HDGFL2: variants seen among roughly 807,000 people sequenced by gnomAD.
The protein encoded by HDGFL2 is hepatoma-derived growth factor-related protein 2.
Under a neutral mutation model 77.1 loss-of-function variants are expected in HDGFL2, and 36 were observed. The observed-to-expected ratio is 0.47, with a 90% confidence interval of 0.36 to 0.62. The LOEUF (loss-of-function observed/expected upper bound fraction) is 0.62. Ranked by LOEUF, HDGFL2 falls within the 20% of genes least tolerant of loss-of-function variation. The pLI is 0.00. For synonymous variants in HDGFL2, 463 were observed against 413.1 expected, an observed-to-expected ratio of 1.12 and a Z score of -1.46; for missense variants, 976 against 973.4, an observed-to-expected ratio of 1.00 and a Z score of -0.04.
Position 4,501,981 on chromosome 19 carries a change from G to A in HDGFL2, c.1987G>A (p.Asp663Asn), listed in dbSNP as rs889456040. ...GCAGGAGCGCGAGAGGGCACGGGGG[G>A]ACTCGGAGGCCCTGGACGAGGAGAG... ...DRQERERARG[D>N]SEALDEES Residue 663 changes from aspartate (D) to asparagine (N), a missense_variant, in exon 16 of 16, where the codon GAC becomes AAC. Physicochemically the swap from Asp to Asn is conservative, Grantham distance 23. Transcript: ENST00000616600. 1 of 1,513,162 alleles carries A rather than the reference G, an allele frequency of 6.6e-7. No homozygotes were observed. 93.7% of individuals were successfully genotyped at this position (1,513,162 alleles called of 1,614,324 possible). A position where few individuals can be genotyped will look rare whatever the true frequency, so the allele number is the denominator to read the frequency against.
chr19:4,482,104 T>C (rs1157934776), intron 3 of HDGFL2, among the ~76,000 whole-genome samples: 2 of 134,750 alleles, frequency 1.5e-5, no homozygotes, highest in African/African-American at 5.6e-5. Context: ...GCGATCTCGG[T>C]TCACTGCAAG....
Position 4,472,367 on chromosome 19 carries a change from A to C in HDGFL2, c.17A>C (p.Lys6Thr). The change falls in exon 1 of 16, where the codon AAG becomes ACG. Residue 6 changes from lysine (K) to threonine (T), a missense_variant. Physicochemically the swap from Lys to Thr is moderately conservative, Grantham distance 78. Transcript: ENST00000616600. Reference sequence around the variant, plus strand: ...GCCGTCAGCATGCCACACGCCTTCAAGCCCGGGGACTTGGTGTTCGCTAAG... The same window carrying C: ...GCCGTCAGCATGCCACACGCCTTCACGCCCGGGGACTTGGTGTTCGCTAAG... MPHAF[K>T]PGDLVFAKMK... 1 of 1,482,222 alleles carries C rather than the reference A, an allele frequency of 6.7e-7. No homozygotes were observed. The highest frequency in any genetic ancestry group is 9.0e-7 in the Non-Finnish European group (1 of 1,110,532). The allele number at this position is 1,482,222 out of a possible 1,614,324, so 91.8% of individuals were successfully genotyped here.
Position 4,498,086 on chromosome 19 carries a change from A to T in HDGFL2, c.1402+55A>T, listed in dbSNP as rs987930669. ...ACTGAGTTCACTGAGGGGAACGGGG[A>T]CAGCCGTGGCGTGGCTGGCCTGTCC... On this transcript the variant is annotated intron_variant, in intron 11 of 15. Transcript: ENST00000616600. The T allele has an allele frequency of 9.5e-6, 14 of 1,479,092 alleles. No individual in the cohort carries two copies. The East Asian group carries it at 3.2e-4, about 34-fold the overall frequency. The allele number at this position is 1,479,092 out of a possible 1,614,324, so 91.6% of individuals were successfully genotyped here.
intron 15 of HDGFL2, chr19:4,501,608 C>T (rs1975887156): frequency 4.2e-6 from 2 of 478,978 alleles, no homozygotes; most frequent in South Asian, 3.5e-5. Context: ...GCCCCGAGCA[C>T]GGGCACCCGG....
At chr19:4,501,871 C>A in intron 15 of HDGFL2, 40 bp from the exon 16 acceptor site, 1 of 1,373,302 alleles carries the variant, frequency 7.3e-7, no homozygotes, top group Non-Finnish European at 9.5e-7. Context: ...AGGGCAGGGG[C>A]GGGAGGGCAT....
intron 1 of HDGFL2, among the ~76,000 whole-genome samples, chr19:4,473,095 G>A (rs1430699547): frequency 6.8e-6 from 1 of 146,528 alleles, no homozygotes; most frequent in Non-Finnish European, 1.5e-5. Flanking sequence ...GCCGCGCGCC[G>A]ACGGTCTGGG....
chr19:4,491,881 C>T, intron 6 of HDGFL2, 46 bp downstream of exon 6: 1 of 1,526,292 alleles, frequency 6.6e-7, no homozygotes, highest in Non-Finnish European at 9.1e-7. Context: ...CGTGGGGCAC[C>T]TCTGCGGTCT....
intron 3 of HDGFL2, 103 bp from the exon 4 acceptor site, chr19:4,488,573 T>C: frequency 1.9e-6 from 2 of 1,057,502 alleles, no homozygotes; most frequent in Non-Finnish European, 2.7e-6. Context: ...ACGCCTGACA[T>C]TCAGGATCCC....
rs917905192 is a variant in HDGFL2, at chr19:4,494,979, G to A, written c.1224+504G>A. On this transcript the variant is annotated intron_variant, in intron 9 of 15. Transcript: ENST00000616600. ...GACATGAGGGTAGTGCGTGCTGTCC[G>A]GAGTTTTCGGTGCTAAGGAGAAGAG... Among the ~76,000 whole-genome samples the A allele has an allele frequency of 3.3e-5, 5 of 152,184 alleles. No individual in the cohort carries two copies. The East Asian group carries it at 9.7e-4, about 30-fold the overall frequency.
intron 3 of HDGFL2, among the ~76,000 whole-genome samples, chr19:4,478,051 G>C (rs1975114886): frequency 6.9e-6 from 1 of 144,324 alleles, no homozygotes. Context: ...CTGTACTCCA[G>C]CCTGGGCAAC....
rs1297892451 is a variant in HDGFL2, at chr19:4,494,272, C to T, written c.1021C>T (p.Arg341Cys). ...RRREQEEELR[R>C]LREQEKEEKE... ...GCGAGAGCAGGAGGAGGAGCTGCGG[C>T]GCCTGCGGGAGCAGGAGAAGGAGGA... The change falls in exon 9 of 16, where the codon CGC (arginine) becomes TGC (cysteine). Residue 341 changes from arginine to cysteine, a missense_variant. This residue lies in a region of HDGFL2 where 567 missense variants were observed against 534.7 expected (regional missense o/e 1.06). Coordinates refer to ENST00000616600, the MANE Select transcript of HDGFL2 (RefSeq NM_001001520.3). 4 of 1,452,174 alleles carry T rather than the reference C, an allele frequency of 2.8e-6. No homozygotes were observed. Among genetic ancestry groups the T allele is most frequent in the Non-Finnish European group, 2.7e-6 (3 of 1,106,730 alleles). The allele number at this position is 1,452,174 out of a possible 1,614,324, so 90.0% of individuals were successfully genotyped here.
chr19:4,500,326 C>G (rs972594359), intron 14 of HDGFL2, among the ~76,000 whole-genome samples: 28 of 152,080 alleles, frequency 1.8e-4, no homozygotes, highest in African/African-American at 6.5e-4. Flanking sequence ...TCGCTCTGTC[C>G]CCCAGGCTGG....
intron 3 of HDGFL2, among the ~76,000 whole-genome samples, chr19:4,479,880 T>G: frequency 6.9e-6 from 1 of 144,664 alleles, no homozygotes; most frequent in Admixed American, 7.3e-5. Context: ...CACTCCAGCC[T>G]GGGCGACAGA....
At chr19:4,497,194 G>GTT (rs1975727672) in intron 10 of HDGFL2, 1 of 432,422 alleles carries the variant, frequency 2.3e-6, no homozygotes, top group Admixed American at 2.4e-5. Flanking sequence ...TTTTGTTTTT[G>GTT]TTTTTGTTTT....
In HDGFL2 at chr19:4,493,986, G is replaced by T; in HGVS notation, c.843G>T (p.Glu281Asp). The change falls in exon 8 of 16, where the codon GAG becomes GAT. Residue 281 changes from glutamate to aspartate, a missense_variant. Physicochemically the swap from Glu to Asp is conservative, Grantham distance 45. This residue lies in a region of HDGFL2 where 567 missense variants were observed against 534.7 expected (regional missense o/e 1.06). Coordinates refer to ENST00000616600, the MANE Select transcript of HDGFL2 (RefSeq NM_001001520.3). ...KKPPRGRKPA[E>D]KPLPKPRGRK... ...CCCCTCCTCCTCTTCCTGTAGCGGA[G>T]AAGCCTCTCCCGAAGCCGCGAGGGC... is the stretch of plus-strand genomic sequence containing the variant. The T allele has an allele frequency of 6.2e-7, 1 of 1,608,254 alleles. No individual in the cohort carries two copies. Among genetic ancestry groups the T allele is most frequent in the Non-Finnish European group, 8.5e-7 (1 of 1,178,108 alleles).
chr19:4,483,355 C>T (rs1350640893), intron 3 of HDGFL2, among the ~76,000 whole-genome samples: 4 of 152,124 alleles, frequency 2.6e-5, no homozygotes, highest in African/African-American at 9.7e-5. Context: ...CTCCTCCCGG[C>T]GCGGGAGGAC....
At chr19:4,497,507 C>T (rs1975737827) in intron 10 of HDGFL2, 7 of 303,594 alleles carry the variant, frequency 2.3e-5, no homozygotes, top group South Asian at 1.7e-4. Flanking sequence ...CCCCAGCCCA[C>T]TTTCTAAATG....
chr19:4,499,310 C>A (rs1216274870), intron 13 of HDGFL2, among the ~76,000 whole-genome samples, 181 bp from the exon 14 acceptor site: 2 of 151,358 alleles, frequency 1.3e-5, no homozygotes, highest in Non-Finnish European at 2.9e-5. Context: ...CGCGCCACTG[C>A]ACTCTAGCCT....
chr19:4,487,088 C>T (rs1194977612), intron 3 of HDGFL2, among the ~76,000 whole-genome samples: 2 of 151,938 alleles, frequency 1.3e-5, no homozygotes, highest in Non-Finnish European at 2.9e-5. Flanking sequence ...CCTCAGCCTC[C>T]CGAGTAGCTG....
Sources: gnomAD v4.1 joint callset for allele counts (sites outside exome capture counted in the v4.1 genomes callset) on GRCh38, gnomAD v4.1.1 for gene constraint, gnomAD v4.1.1 regional missense constraint, MANE v1.5 for transcripts, NCBI Gene and HGNC (gene_info 2026-07-23, HGNC 2026-07-21) for gene names.